Variants in MYO5C observed in about 807,000 individuals in gnomAD.
The protein encoded by MYO5C is myosin VC.
Under a neutral mutation model 235.7 loss-of-function variants are expected in MYO5C, and 194 were observed. That is an observed-to-expected ratio of 0.82 (90% CI 0.73 to 0.93). The LOEUF is 0.93. Ranked by LOEUF, MYO5C falls within the 40% of genes least tolerant of loss-of-function variation. The pLI is 0.00. For missense variants in MYO5C, 2,038 were observed against 2,127.2 expected (o/e 0.96, Z 0.82); for synonymous variants, 707 against 754.8 (o/e 0.94, Z 1.04).
At chr15:52,290,345 A>G (rs550354978) in intron 1 of MYO5C, among the ~76,000 whole-genome samples, 1 of 152,204 alleles carries the variant, frequency 6.6e-6, no homozygotes, top group East Asian at 1.9e-4. Flanking sequence ...AATTTTCCAG[A>G]GTTGTTAATG....
In MYO5C at chr15:52,237,528, C is replaced by T. The variant is rs368064283; in HGVS notation, c.2822G>A (p.Arg941Gln). 103 of 1,614,086 alleles carry T rather than the reference C, an allele frequency of 6.4e-5. No homozygotes were observed. Among genetic ancestry groups the T allele is most frequent in the Non-Finnish European group, 8.1e-5 (95 of 1,180,046 alleles). ...AELEKAATHRRNYEEKGKRYR... is the reference protein window; with the variant it reads ...AELEKAATHRQNYEEKGKRYR... ...TCTCTTCCCCTTCTCCTCGTAATTT[C>T]GCCTGTGAGTGGCTGCTTTTTCTAG... The change falls in exon 22 of 41, where the codon CGA becomes CAA. Residue 941 changes from arginine (R) to glutamine (Q), a missense_variant. By Grantham distance (43) the Arg-to-Gln change is conservative (BLOSUM62 1). Coordinates refer to ENST00000261839, the MANE Select transcript of MYO5C (RefSeq NM_018728.4).
At chr15:52,250,328 C>T (rs536984638) in intron 13 of MYO5C, among the ~76,000 whole-genome samples, 4 of 150,978 alleles carry the variant, frequency 2.6e-5, no homozygotes, top group Admixed American at 2.0e-4. Flanking sequence ...ATGCAACCTC[C>T]GCCTCCCAGG....
In MYO5C at chr15:52,285,918, G is replaced by C. The variant is rs145215294; in HGVS notation, c.28-3026C>G. On this transcript the variant is annotated intron_variant, in intron 1 of 40. Transcript: ENST00000261839. ...CATCTGGGAAGTGAGGAGCATCTCTGTCTGGCCGCCATCCCATCTAGGAAG... is the reference window on the plus strand; with the variant it reads ...CATCTGGGAAGTGAGGAGCATCTCTCTCTGGCCGCCATCCCATCTAGGAAG... 3.2e-3 allele frequency among the ~76,000 whole-genome samples: 491 copies of C among 152,136 alleles called. 16 individuals carry two copies. In the East Asian group the frequency reaches 0.088, roughly 27 times the overall value.
At chr15:52,216,218 G>T (rs890990313) in intron 32 of MYO5C, among the ~76,000 whole-genome samples, 17 of 152,228 alleles carry the variant, frequency 1.1e-4, no homozygotes, top group East Asian at 5.8e-4. Context: ...ATTATTATTA[G>T]TAGTAGTATT....
intron 1 of MYO5C, among the ~76,000 whole-genome samples, chr15:52,284,649 C>T (rs2037224466): frequency 6.6e-6 from 1 of 151,928 alleles, no homozygotes; most frequent in South Asian, 2.1e-4. Flanking sequence ...AATATGCATA[C>T]TAAAATATTT....
At chr15:52,266,042 A>G (rs540300240) in intron 8 of MYO5C, among the ~76,000 whole-genome samples, 2 of 152,302 alleles carry the variant, frequency 1.3e-5, no homozygotes, top group South Asian at 4.1e-4. Context: ...ATGAGCAGCA[A>G]CTAAAAATGC....
chr15:52,274,428 C>A (rs141009608), intron 5 of MYO5C, among the ~76,000 whole-genome samples: 1 of 152,088 alleles, frequency 6.6e-6, no homozygotes, highest in Admixed American at 6.6e-5. Flanking sequence ...CAGACATGTG[C>A]CACTATACCT....
Position 52,195,456 on chromosome 15 carries a change from A to G in MYO5C, c.4997T>C (p.Ile1666Thr). 6.2e-7 allele frequency: 1 copy of G among 1,604,984 alleles called. No homozygotes were observed. Among genetic ancestry groups the G allele is most frequent in the Non-Finnish European group, 8.5e-7 (1 of 1,172,968 alleles). The change falls in exon 40 of 41, where the codon ATC (isoleucine) becomes ACC (threonine). Residue 1666 changes from isoleucine to threonine, a missense_variant and splice_region_variant. Coordinates refer to ENST00000261839, the MANE Select transcript of MYO5C (RefSeq NM_018728.4). ...ERCTSLSAVQ[I>T]IKILNSYTPI... Reference sequence around the variant, plus strand: ...TGTGTATGAATTAAGGATCTTTATGATCTGCAAACGGTACATAACATGGTG... The same window carrying G: ...TGTGTATGAATTAAGGATCTTTATGGTCTGCAAACGGTACATAACATGGTG...
intron 29 of MYO5C, among the ~76,000 whole-genome samples, chr15:52,222,013 T>C (rs2035699266): frequency 1.3e-5 from 2 of 152,240 alleles, no homozygotes; most frequent in South Asian, 4.1e-4. Context: ...ATAAGTTACA[T>C]GAGACATTCA....
At chr15:52,286,252 T>C (rs7169117) in intron 1 of MYO5C, among the ~76,000 whole-genome samples, 135,770 of 149,680 alleles carry the variant, frequency 0.91, 62,078 homozygotes, top group Non-Finnish European at 0.96. Context: ...GCCAGCCGCC[T>C]CGTCTGGGAG....
At chr15:52,280,468 C>G (rs1305416593) in intron 2 of MYO5C, among the ~76,000 whole-genome samples, 3 of 152,244 alleles carry the variant, frequency 2.0e-5, no homozygotes, top group Non-Finnish European at 4.4e-5. Flanking sequence ...TGGGCCTTTC[C>G]AATGTCAGAG....
At chr15:52,267,295 C>T (rs1360452367) in intron 8 of MYO5C, among the ~76,000 whole-genome samples, 1 of 152,206 alleles carries the variant, frequency 6.6e-6, no homozygotes, top group Admixed American at 6.5e-5. Context: ...AGTTACTATG[C>T]ACCTGCTATG....
chr15:52,253,567 G>C, intron 11 of MYO5C, 110 bp from the exon 12 acceptor site: 1 of 1,063,286 alleles, frequency 9.4e-7, no homozygotes, highest in Non-Finnish European at 1.4e-6. Flanking sequence ...TAATATTTAT[G>C]TTTAAAAAGA....
chr15:52,231,045 C>CTT (rs1241624736), intron 24 of MYO5C, among the ~76,000 whole-genome samples: 1 of 152,058 alleles, frequency 6.6e-6, no homozygotes, highest in African/African-American at 2.4e-5. Context: ...CCAGCCTGGT[C>CTT]TCAAACTCCT....
At chr15:52,237,924 C>G (rs965579481) in intron 21 of MYO5C, among the ~76,000 whole-genome samples, 6 of 151,848 alleles carry the variant, frequency 4.0e-5, no homozygotes, top group South Asian at 4.2e-4. Flanking sequence ...ACTGTGCCCC[C>G]CGCCAAAATT....
intron 9 of MYO5C, among the ~76,000 whole-genome samples, chr15:52,261,895 C>A (rs1215805552): frequency 6.6e-6 from 1 of 152,168 alleles, no homozygotes; most frequent in Non-Finnish European, 1.5e-5. Context: ...TTCCAGCCCA[C>A]CAGGAAATCT....
chr15:52,229,091 GACGTA>G, intron 25 of MYO5C, 37 bp downstream of exon 25: 1 of 1,607,596 alleles, frequency 6.2e-7, no homozygotes, highest in Non-Finnish European at 8.5e-7. Context: ...GCAATCAAAT[GACGTA>G]ACCAGAGGGC....
intron 30 of MYO5C, 124 bp downstream of exon 30, chr15:52,221,038 T>C: frequency 2.9e-6 from 2 of 684,294 alleles, no homozygotes; most frequent in Non-Finnish European, 5.0e-6. Context: ...TTCTCACATT[T>C]GTTACCTGCC....
intron 4 of MYO5C, among the ~76,000 whole-genome samples, chr15:52,276,179 C>T (rs1180165841): frequency 6.6e-6 from 1 of 152,068 alleles, no homozygotes; most frequent in African/African-American, 2.4e-5. Context: ...TTGAGGGGCC[C>T]CAAGACCAAC....
Sources: gnomAD v4.1 joint callset for allele counts (sites outside exome capture counted in the v4.1 genomes callset) on GRCh38, gnomAD v4.1.1 for gene constraint, MANE v1.5 for transcripts, NCBI Gene and HGNC (gene_info 2026-07-23, HGNC 2026-07-21) for gene names.